Variants in SLCO1B3 observed in about 807,000 individuals in gnomAD.
SLCO1B3 encodes solute carrier organic anion transporter family member 1B3, also known as liver-specific organic anion transporter 2.
In SLCO1B3, 72 loss-of-function variants were observed where a neutral mutation model predicts 71.8. That is an observed-to-expected ratio of 1.00 (90% CI 0.83 to 1.22). The LOEUF is 1.22. Ranked by LOEUF, SLCO1B3 falls within the 50% of genes most tolerant of loss-of-function variation. The pLI is 0.00. For synonymous variants in SLCO1B3, 298 were observed against 278.4 expected (o/e 1.07, Z -0.70); for missense variants, 911 against 819.7 (o/e 1.11, Z -1.36).
At chr12:20,821,364 A>T (rs1226723648) in intron 3 of SLCO1B3, among the ~76,000 whole-genome samples, 2 of 152,126 alleles carry the variant, frequency 1.3e-5, no homozygotes, top group Non-Finnish European at 2.9e-5. Flanking sequence ...AAGAAAAAAG[A>T]CGCTTAGATT....
At chr12:20,913,642 C>T (rs1053034733) in intron 15 of SLCO1B3, among the ~76,000 whole-genome samples, 9 of 152,148 alleles carry the variant, frequency 5.9e-5, no homozygotes, top group African/African-American at 2.2e-4. Flanking sequence ...TTAATGTTAT[C>T]AGTGTATATC....
At chr12:20,894,872 G>A (rs3847905) in intron 13 of SLCO1B3, among the ~76,000 whole-genome samples, 107,087 of 152,008 alleles carry the variant, frequency 0.7, 39,955 homozygotes, top group South Asian at 0.89. Flanking sequence ...AGACTGAGCA[G>A]TTTACAAAAG....
intron 3 of SLCO1B3, among the ~76,000 whole-genome samples, chr12:20,849,548 C>T (rs1260334126): frequency 6.6e-6 from 1 of 151,940 alleles, no homozygotes; most frequent in Non-Finnish European, 1.5e-5. Context: ...GAAGTTCTAG[C>T]CAGATCCATT....
intron 8 of SLCO1B3, among the ~76,000 whole-genome samples, chr12:20,865,813 G>C (rs1352640696): frequency 2.0e-5 from 3 of 151,946 alleles, no homozygotes; most frequent in Admixed American, 2.0e-4. Context: ...ACTTTACACA[G>C]AGAAACTCTT....
chr12:20,839,228 T>A (rs1264247536), intron 3 of SLCO1B3, among the ~76,000 whole-genome samples: 2 of 152,018 alleles, frequency 1.3e-5, no homozygotes, highest in Admixed American at 1.3e-4. Flanking sequence ...AAAAACTTTT[T>A]AATTTACCTT....
At chr12:20,912,532 C>CT (rs986246227) in intron 15 of SLCO1B3, among the ~76,000 whole-genome samples, 2 of 107,076 alleles carry the variant, frequency 1.9e-5, no homozygotes, top group Non-Finnish European at 3.9e-5. Context: ...CTTTTCTTTT[C>CT]TTTTTTTTCA....
chr12:20,837,999 A>G (rs1011794341), intron 3 of SLCO1B3, among the ~76,000 whole-genome samples: 1 of 151,878 alleles, frequency 6.6e-6, no homozygotes, highest in Non-Finnish European at 1.5e-5. Context: ...ATAGAATTTG[A>G]TGCTCTGTTG....
intron 3 of SLCO1B3, among the ~76,000 whole-genome samples, chr12:20,839,246 T>A (rs1864744838): frequency 6.6e-6 from 1 of 152,048 alleles, no homozygotes; most frequent in African/African-American, 2.4e-5. Flanking sequence ...CTTCACTTAT[T>A]TTCTGCAGTG....
intron 15 of SLCO1B3, among the ~76,000 whole-genome samples, chr12:20,903,689 G>C (rs191868600): frequency 3.3e-5 from 5 of 152,252 alleles, no homozygotes; most frequent in African/African-American, 1.2e-4. Flanking sequence ...CCACCCCCAA[G>C]ATCCAGTCAC....
chr12:20,891,142 T>C (rs1865894427), intron 13 of SLCO1B3, among the ~76,000 whole-genome samples: 1 of 152,176 alleles, frequency 6.6e-6, no homozygotes, highest in East Asian at 1.9e-4. Context: ...TGTGTTTCCA[T>C]AATGATAAGT....
intron 15 of SLCO1B3, among the ~76,000 whole-genome samples, chr12:20,912,200 A>G (rs1035867515): frequency 3.9e-5 from 6 of 151,922 alleles, no homozygotes; most frequent in Admixed American, 6.6e-5. Context: ...AGACTTTCCA[A>G]TGATCTTTCT....
Position 20,842,162 on chromosome 12 carries a change from G to A in SLCO1B3, c.85-12866G>A, listed in dbSNP as rs540531905. Among the ~76,000 whole-genome samples, 26 of 152,178 alleles carry A rather than the reference G, an allele frequency of 1.7e-4. No homozygotes were observed. The South Asian group carries it at 5.2e-3, about 30-fold the overall frequency. The stretch of plus-strand genomic sequence containing the variant: ...ACCTGCCTTGGCCTCACAAAGTGCT[G>A]GGATTACAGGCATGAGCCACCATGC... On this transcript the variant is annotated intron_variant, in intron 3 of 15. Transcript: ENST00000381545.
chr12:20,828,212 G>A (rs1864466771), intron 3 of SLCO1B3, among the ~76,000 whole-genome samples: 1 of 150,550 alleles, frequency 6.6e-6, no homozygotes, highest in South Asian at 2.1e-4. Context: ...CGGTGCACTT[G>A]GCTACAAAGA....
chr12:20,877,128 G>A (rs373142343), intron 9 of SLCO1B3, among the ~76,000 whole-genome samples: 3 of 152,254 alleles, frequency 2.0e-5, no homozygotes, highest in East Asian at 3.9e-4. Context: ...ACCATGCCCA[G>A]CCAATTAATG....
chr12:20,901,935 G>A (rs1440921116), intron 15 of SLCO1B3: 1 of 430,082 alleles, frequency 2.3e-6, no homozygotes, highest in Non-Finnish European at 4.6e-6. Flanking sequence ...AAGACAACTA[G>A]ATTATCTGGA....
intron 13 of SLCO1B3, among the ~76,000 whole-genome samples, chr12:20,894,816 G>T (rs963158155): frequency 6.6e-6 from 1 of 152,056 alleles, no homozygotes; most frequent in African/African-American, 2.4e-5. Flanking sequence ...AGCAGGCATG[G>T]ATTCTGTATT....
intron 6 of SLCO1B3, among the ~76,000 whole-genome samples, chr12:20,861,735 ATGAAG>A (rs1382684607): frequency 3.2e-5 from 3 of 92,376 alleles, no homozygotes; most frequent in Non-Finnish European, 8.3e-5. Context: ...TTAAAAATAA[ATGAAG>A]TGGAGGAAAA....
At chr12:20,901,280 A>G in intron 14 of SLCO1B3, 70 bp from the exon 15 acceptor site, 2 of 983,582 alleles carry the variant, frequency 2.0e-6, no homozygotes, top group Middle Eastern at 3.2e-4. Flanking sequence ...AAATGTATCA[A>G]TATCGACTAT....
intron 3 of SLCO1B3, among the ~76,000 whole-genome samples, chr12:20,842,985 C>T (rs75146866): frequency 0.062 from 9,385 of 152,202 alleles, 360 homozygotes; most frequent in East Asian, 0.18. Flanking sequence ...CTTCCTGCTG[C>T]TGTCCTGATC....
Sources: allele counts gnomAD v4.1 joint callset (sites outside exome capture counted in the v4.1 genomes callset), GRCh38; gene constraint gnomAD v4.1.1; transcripts MANE v1.5; gene names NCBI Gene and HGNC (gene_info 2026-07-23, HGNC 2026-07-21).